The following UBXN4 variants were observed in gnomAD, a reference collection of about 807,000 sequenced individuals.
UBXN4 encodes the protein UBX domain-containing protein 4.
A neutral mutation model predicts 66.2 loss-of-function variants in UBXN4; 35 were observed. That is an observed-to-expected ratio of 0.53 (90% CI 0.40 to 0.70). UBXN4 has a LOEUF of 0.70. Ranked by LOEUF, UBXN4 falls within the 30% of genes least tolerant of loss-of-function variation. The pLI, the probability that UBXN4 is intolerant of heterozygous loss-of-function variation, is 0.00. For missense variants in UBXN4, 533 were observed against 599.8 expected (o/e 0.89, Z 1.16); for synonymous variants, 203 against 204.5 (o/e 0.99, Z 0.06).
chr2:135,755,544 G>C lies in UBXN4; in HGVS notation c.361G>C (p.Val121Leu). Reference protein sequence around the residue: ...QMHLLKSETSVANGSQSESSV... With the variant: ...QMHLLKSETSLANGSQSESSV... The stretch of plus-strand genomic sequence containing the variant: ...GCATTTGCTAAAAAGTGAAACATCA[G>C]TAGCAAATGGCAGTCAGTCAGAAAG... Residue 121 changes from valine (V) to leucine (L), a missense_variant, in exon 5 of 13, where the codon GTA becomes CTA. By Grantham distance (32) the Val-to-Leu change is conservative. Coordinates refer to ENST00000272638, the MANE Select transcript of UBXN4 (RefSeq NM_014607.4). The C allele has an allele frequency of 6.3e-7, 1 of 1,595,176 alleles. No individual in the cohort carries two copies. Among genetic ancestry groups the C allele is most frequent in the South Asian group, 1.1e-5 (1 of 87,602 alleles).
intron 1 of UBXN4, 43 bp downstream of exon 1, chr2:135,742,054 C>A: frequency 1.2e-6 from 2 of 1,601,082 alleles, no homozygotes; most frequent in Non-Finnish European, 1.7e-6. Flanking sequence ...GACACCCCTC[C>A]GGCCTACCTT....
At chr2:135,774,079 A>G (rs1015864724) in intron 9 of UBXN4, among the ~76,000 whole-genome samples, 7 of 152,232 alleles carry the variant, frequency 4.6e-5, no homozygotes, top group Non-Finnish European at 1.0e-4. Flanking sequence ...ACAAACTGGA[A>G]AATGAAGATA....
intron 5 of UBXN4, among the ~76,000 whole-genome samples, chr2:135,760,447 A>G (rs1575318196): frequency 1.3e-5 from 2 of 152,246 alleles, no homozygotes; most frequent in East Asian, 1.9e-4. Context: ...AAAAAGTTAC[A>G]AATTTATATT....
At chr2:135,753,776 C>A in intron 3 of UBXN4, 1 of 488,450 alleles carries the variant, frequency 2.0e-6, no homozygotes, top group South Asian at 3.9e-5. Flanking sequence ...GTGTAGTGCA[C>A]CCCATACATT....
At chr2:135,751,810 T>A (rs2077243895) in intron 2 of UBXN4, among the ~76,000 whole-genome samples, 1 of 151,998 alleles carries the variant, frequency 6.6e-6, no homozygotes, top group Non-Finnish European at 1.5e-5. Context: ...ATGATAATAA[T>A]GCTTTATATT....
chr2:135,775,858 C>A lies in UBXN4; in HGVS notation c.951-391C>A, dbSNP rs1190125580. 5.3e-5 allele frequency among the ~76,000 whole-genome samples: 8 copies of A among 152,288 alleles called. No individual in the cohort carries two copies. In the East Asian group the frequency reaches 1.5e-3, roughly 29 times the overall value. ...CTCGGCTTACTGCAACCTACACCTCCCGGGTTCAAGCCATTCTCCCTGCCT... is the reference window on the plus strand; with the variant it reads ...CTCGGCTTACTGCAACCTACACCTCACGGGTTCAAGCCATTCTCCCTGCCT... On this transcript the variant is annotated intron_variant, in intron 9 of 12. Coordinates refer to ENST00000272638, the MANE Select transcript of UBXN4 (RefSeq NM_014607.4).
In UBXN4 at chr2:135,777,620, C is replaced by T. The variant is rs367872970; in HGVS notation, c.1053+1269C>T. Among the ~76,000 whole-genome samples the T allele has an allele frequency of 2.0e-5, 3 of 152,302 alleles. No individual in the cohort carries two copies. The East Asian group carries it at 5.8e-4, about 29-fold the overall frequency. On this transcript the variant is annotated intron_variant, in intron 10 of 12. Transcript: ENST00000272638. Reference sequence around the variant, plus strand: ...CTCCACCTCAGGCCAGGCATGGTGGCTCACGCCTGTAATCCCAGCATTTTG... The same window carrying T: ...CTCCACCTCAGGCCAGGCATGGTGGTTCACGCCTGTAATCCCAGCATTTTG...
At chr2:135,764,128 TAAATA>T (rs139571168) in intron 6 of UBXN4, among the ~76,000 whole-genome samples, 89,983 of 150,568 alleles carry the variant, frequency 0.6, 28,782 homozygotes, top group Non-Finnish European at 0.73. Flanking sequence ...CGTCTCAAAA[TAAATA>T]AAATAAAATA....
At chr2:135,745,906 TCTCA>T (rs1326059960) in intron 1 of UBXN4, among the ~76,000 whole-genome samples, 1 of 92,568 alleles carries the variant, frequency 1.1e-5, no homozygotes, top group East Asian at 2.9e-4. Context: ...TGAGATGGAG[TCTCA>T]CTCTGCCGCC....
intron 6 of UBXN4, among the ~76,000 whole-genome samples, chr2:135,764,206 A>G (rs561935326): frequency 2.4e-4 from 37 of 152,342 alleles, no homozygotes; most frequent in African/African-American, 8.9e-4. Context: ...CTCAGGCTAC[A>G]GTTGAAACTG....
rs2077414674 is a variant in UBXN4 at position 135,776,364 on chromosome 2, C to T, written c.1053+13C>T. The T allele has an allele frequency of 1.9e-6, 3 of 1,597,726 alleles. No individual in the cohort carries two copies. Among genetic ancestry groups the T allele is most frequent in the African/African-American group, 2.7e-5 (2 of 74,168 alleles). On this transcript the variant is annotated intron_variant, in intron 10 of 12. Coordinates refer to ENST00000272638, the MANE Select transcript of UBXN4 (RefSeq NM_014607.4). ...GTTTGCTGCACAGGTAAATTTATGT[C>T]TTGAGTTGTAGTAAAAATAGATGTG...
intron 7 of UBXN4, 97 bp from the exon 8 acceptor site, chr2:135,770,474 A>T (rs931063926): frequency 1.0e-5 from 8 of 789,542 alleles, no homozygotes; most frequent in Non-Finnish European, 1.3e-5. Flanking sequence ...CATTTTATGA[A>T]GTTTTATTCT....
rs528880765 is a variant in UBXN4, at chr2:135,777,869, C to T, written c.1054-1079C>T. ...CTGTACTCCAGTCTGTGCAACAGAG[C>T]AAGACTCCATCTCAAAAAAAACAAC... On this transcript the variant is annotated intron_variant, in intron 10 of 12. Coordinates refer to ENST00000272638, the MANE Select transcript of UBXN4 (RefSeq NM_014607.4). 2.0e-5 allele frequency among the ~76,000 whole-genome samples: 3 copies of T among 150,632 alleles called. No individual in the cohort carries two copies. In the South Asian group the frequency reaches 6.3e-4, roughly 32 times the overall value.
intron 6 of UBXN4, among the ~76,000 whole-genome samples, chr2:135,765,179 A>T (rs1450505611): frequency 6.6e-6 from 1 of 152,114 alleles, no homozygotes; most frequent in Non-Finnish European, 1.5e-5. Context: ...ATCTTTAGTT[A>T]AAATGCATTA....
At position 135,755,637 on chromosome 2, in the gene UBXN4, G is replaced by T; in HGVS notation, c.454G>T (p.Ala152Ser). ...TTGTGAAAACTCTCAGTCCAGAAAT[G>T]CAGAGCTTTGTGAGATACCACCCAC... is the stretch of plus-strand genomic sequence containing the variant. ...NTCENSQSRNAELCEIPPTSD... is the reference protein window; with the variant it reads ...NTCENSQSRNSELCEIPPTSD... Residue 152 changes from alanine (A) to serine (S), a missense_variant, in exon 5 of 13, where the codon GCA (alanine) becomes TCA (serine). Physicochemically the swap from Ala to Ser is moderately conservative, Grantham distance 99 (BLOSUM62 1). This residue lies in a region of UBXN4 where 529 missense variants were observed against 580.1 expected (regional missense o/e 0.91). Transcript: ENST00000272638. 6.2e-7 allele frequency: 1 copy of T among 1,605,096 alleles called. No individual in the cohort carries two copies. The highest frequency in any genetic ancestry group is 8.5e-7 in the Non-Finnish European group (1 of 1,175,576).
At chr2:135,768,884 T>C (rs1449826147) in intron 6 of UBXN4, among the ~76,000 whole-genome samples, 3 of 151,652 alleles carry the variant, frequency 2.0e-5, no homozygotes, top group African/African-American at 7.3e-5. Flanking sequence ...TTATTTTTTG[T>C]AAAGATGGGG....
chr2:135,765,853 C>G (rs1407990461), intron 6 of UBXN4, among the ~76,000 whole-genome samples: 1 of 151,804 alleles, frequency 6.6e-6, no homozygotes, highest in Non-Finnish European at 1.5e-5. Flanking sequence ...GCATAGTGAC[C>G]ATTAAGAAGT....
intron 6 of UBXN4, among the ~76,000 whole-genome samples, chr2:135,762,165 A>G (rs1368695571): frequency 6.6e-6 from 1 of 152,132 alleles, no homozygotes; most frequent in East Asian, 1.9e-4. Flanking sequence ...ATTTTGGTAC[A>G]TGGGTGTTTC....
chr2:135,780,454 G>C (rs2077442974), intron 12 of UBXN4, 69 bp downstream of exon 12: 1 of 1,499,734 alleles, frequency 6.7e-7, no homozygotes, highest in South Asian at 1.1e-5. Flanking sequence ...TAAGTAAAAA[G>C]TTGAGTACTT....
Sources: allele counts gnomAD v4.1 joint callset (sites outside exome capture counted in the v4.1 genomes callset), GRCh38; gene constraint gnomAD v4.1.1; regional missense constraint gnomAD v4.1.1; transcripts MANE v1.5; gene names NCBI Gene and HGNC (gene_info 2026-07-23, HGNC 2026-07-21).